Variants in NEK1 observed in about 807,000 individuals in gnomAD.
The protein encoded by NEK1 is NIMA related kinase 1, also known as serine/threonine-protein kinase Nek1.
In NEK1, 137 loss-of-function variants were observed where a neutral mutation model predicts 182.1. The ratio of observed to expected loss-of-function variants is 0.75; its 90% CI spans 0.65 to 0.87. The LOEUF (loss-of-function observed/expected upper bound fraction) is 0.87, where lower values mean the gene tolerates loss of function less well. NEK1 is among the 40% of genes least tolerant of loss of function. NEK1 has a pLI of 0.00. For missense variants in NEK1, 1,391 were observed against 1,494.4 expected, an observed-to-expected ratio of 0.93 and a Z score of 1.14; for synonymous variants, 513 against 492.2, an observed-to-expected ratio of 1.04 and a Z score of -0.56.
At chr4:169,434,251 C>A (rs1737986134) in intron 28 of NEK1, among the ~76,000 whole-genome samples, 1 of 145,658 alleles carries the variant, frequency 6.9e-6, no homozygotes, top group Non-Finnish European at 1.5e-5. Flanking sequence ...TCCCATCGCC[C>A]AGGCTGGAGT....
intron 12 of NEK1, among the ~76,000 whole-genome samples, chr4:169,569,440 C>T (rs1378540091): frequency 6.7e-6 from 1 of 148,386 alleles, no homozygotes; most frequent in Non-Finnish European, 1.5e-5. Flanking sequence ...CTCCCTCTCC[C>T]TCTCTCCCTC....
intron 31 of NEK1, among the ~76,000 whole-genome samples, chr4:169,412,302 A>G (rs1220258534): frequency 6.6e-6 from 1 of 152,226 alleles, no homozygotes; most frequent in Admixed American, 6.5e-5. Context: ...TTAGAGAAGA[A>G]TACAAGACTG....
At chr4:169,541,321 G>A (rs1759373885) in intron 18 of NEK1, among the ~76,000 whole-genome samples, 1 of 152,162 alleles carries the variant, frequency 6.6e-6, no homozygotes, top group African/African-American at 2.4e-5. Context: ...ACAAATGTTA[G>A]GTGGCACTCT....
intron 5 of NEK1, among the ~76,000 whole-genome samples, chr4:169,592,427 CTAT>C (rs1768681051): frequency 6.6e-6 from 1 of 151,882 alleles, no homozygotes; most frequent in Admixed American, 6.6e-5. Flanking sequence ...TGTTTATGTA[CTAT>C]TAAGTGAAAA....
intron 19 of NEK1, among the ~76,000 whole-genome samples, chr4:169,511,524 T>C (rs943265249): frequency 8.5e-5 from 13 of 152,142 alleles, no homozygotes; most frequent in African/African-American, 2.9e-4. Flanking sequence ...ATTATAGATA[T>C]ACAGAAAGGT....
At chr4:169,453,282 T>C (rs1579775351) in intron 27 of NEK1, among the ~76,000 whole-genome samples, 1 of 152,330 alleles carries the variant, frequency 6.6e-6, no homozygotes, top group South Asian at 2.1e-4. Context: ...AAGCTACCAA[T>C]GACTTTCTTC....
At chr4:169,547,158 A>T (rs1298159250) in intron 18 of NEK1, among the ~76,000 whole-genome samples, 1 of 152,144 alleles carries the variant, frequency 6.6e-6, no homozygotes, top group Admixed American at 6.6e-5. Context: ...AGCTCTTGTA[A>T]GGCAAGCCTG....
intron 11 of NEK1, among the ~76,000 whole-genome samples, chr4:169,577,664 G>A (rs1765922217): frequency 6.6e-6 from 1 of 152,066 alleles, no homozygotes; most frequent in African/African-American, 2.4e-5. Flanking sequence ...TGAGGCAGGA[G>A]AATGGCGTGA....
At chr4:169,581,065 A>G (rs557323256) in intron 10 of NEK1, among the ~76,000 whole-genome samples, 163 bp from the exon 11 acceptor site, 76 of 136,678 alleles carry the variant, frequency 5.6e-4, no homozygotes, top group African/African-American at 1.9e-3. Context: ...AAAAAAAAAG[A>G]AGCCCAGGTG....
chr4:169,593,937 C>T (rs576891934), intron 5 of NEK1, among the ~76,000 whole-genome samples: 85 of 149,792 alleles, frequency 5.7e-4, no homozygotes, highest in African/African-American at 2.0e-3. Context: ...TGCAGTGAGC[C>T]GAGATCGCAC....
intron 27 of NEK1, among the ~76,000 whole-genome samples, chr4:169,447,555 T>C (rs1050457077): frequency 1.3e-5 from 2 of 152,194 alleles, no homozygotes; most frequent in African/African-American, 4.8e-5. Context: ...TACTCATATC[T>C]TGAGTAGAAA....
At chr4:169,497,724 T>G (rs1434521118) in intron 23 of NEK1, among the ~76,000 whole-genome samples, 1 of 152,316 alleles carries the variant, frequency 6.6e-6, no homozygotes, top group African/African-American at 2.4e-5. Context: ...TTTGAGTGAG[T>G]GTCTTAATCC....
rs535517817 is a variant in NEK1, at chr4:169,394,484, T to C, written c.*26A>G. Reference sequence around the variant, plus strand: ...GCCAAATTCAAATGCTTTCATATAGTTGAGGATTAAAAAACATTTTGAGGA... The same window carrying C: ...GCCAAATTCAAATGCTTTCATATAGCTGAGGATTAAAAAACATTTTGAGGA... On this transcript the variant is annotated 3_prime_UTR_variant, in exon 36 of 36. Transcript: ENST00000507142. The C allele has an allele frequency of 5.6e-5, 75 of 1,347,158 alleles. No individual in the cohort carries two copies. In the South Asian group the frequency reaches 9.5e-4, roughly 17 times the overall value. 83.5% of individuals were successfully genotyped at this position (1,347,158 alleles called of 1,614,324 possible).
intron 12 of NEK1, among the ~76,000 whole-genome samples, chr4:169,570,065 G>A (rs1198087344): frequency 6.0e-5 from 9 of 151,184 alleles, no homozygotes; most frequent in Admixed American, 3.3e-4. Context: ...CTTCCCGGCC[G>A]CCATCCCATC....
In NEK1 at chr4:169,590,738, G is replaced by A. The variant is rs776378488; in HGVS notation, c.384C>T (p.Asp128=). 3 of 1,589,446 alleles carry A rather than the reference G, an allele frequency of 1.9e-6. No homozygotes were observed. The highest frequency in any genetic ancestry group is 2.7e-5 in the African/African-American group (2 of 74,508). The change falls in exon 6 of 36, where the codon GAC becomes GAT. Residue 128 remains aspartate, a synonymous_variant. Transcript: ENST00000507142. ...HVHDRKILHR[D]IKSQNIFLTK... is the part of the protein sequence containing the mutation. ...CAGAATAACATACCTGAGATTTAAT[G>A]TCTCGATGAAGAATTTTTCTATCAT...
At chr4:169,514,726 T>C (rs1387922686) in intron 19 of NEK1, among the ~76,000 whole-genome samples, 1 of 152,172 alleles carries the variant, frequency 6.6e-6, no homozygotes, top group Non-Finnish European at 1.5e-5. Flanking sequence ...TATTGGTGAT[T>C]TGCGTCTTTT....
intron 2 of NEK1, among the ~76,000 whole-genome samples, chr4:169,608,338 A>G (rs989363411): frequency 6.6e-6 from 1 of 152,238 alleles, no homozygotes; most frequent in Non-Finnish European, 1.5e-5. Context: ...AAAAAGATGA[A>G]TTTTGAAATA....
At chr4:169,407,530 G>A (rs969652818) in intron 31 of NEK1, among the ~76,000 whole-genome samples, 3 of 152,202 alleles carry the variant, frequency 2.0e-5, no homozygotes, top group Non-Finnish European at 4.4e-5. Context: ...TCAGCCAACT[G>A]AGTTGAGGAA....
chr4:169,596,950 A>G (rs762261599), intron 5 of NEK1, among the ~76,000 whole-genome samples: 3 of 152,116 alleles, frequency 2.0e-5, no homozygotes, highest in Non-Finnish European at 4.4e-5. Flanking sequence ...ACAAATCTCC[A>G]TAATAATTTC....
Sources: gnomAD v4.1 joint callset for allele counts (sites outside exome capture counted in the v4.1 genomes callset) on GRCh38, gnomAD v4.1.1 for gene constraint, MANE v1.5 for transcripts, NCBI Gene and HGNC (gene_info 2026-07-23, HGNC 2026-07-21) for gene names.